Variants in TRRAP observed in about 807,000 individuals in gnomAD.
TRRAP encodes transformation/transcription domain-associated protein.
TRRAP carries 41 observed loss-of-function variants against 438.8 expected under a neutral mutation model. That is an observed-to-expected ratio of 0.09 (90% CI 0.07 to 0.12). The LOEUF is 0.12. Ranked by LOEUF, TRRAP falls within the 10% of genes least tolerant of loss-of-function variation. TRRAP has a pLI of 1.00. For missense variants in TRRAP, 3,122 were observed against 5,055.1 expected (o/e 0.62, Z 11.60); for synonymous variants, 1,994 against 1,962.9 (o/e 1.02, Z -0.42).
intron 67 of TRRAP, among the ~76,000 whole-genome samples, chr7:98,997,210 G>A (rs1349970226): frequency 6.6e-6 from 1 of 151,998 alleles, no homozygotes; most frequent in Non-Finnish European, 1.5e-5. Context: ...GGAGGCTTAG[G>A]TGGGAGGATC....
Position 98,882,037 on chromosome 7 carries a change from T to C in TRRAP, c.150+13T>C, listed in dbSNP as rs782676871. The C allele has an allele frequency of 6.3e-6, 10 of 1,599,060 alleles. No homozygotes were observed. The South Asian group carries it at 9.2e-5, about 15-fold the overall frequency. The stretch of plus-strand genomic sequence containing the variant: ...TGAAAATTTTGAGGTATGAGCATTA[T>C]ATTTTCTATTTTTCATTTTGAGGTA... On this transcript the variant is annotated intron_variant, in intron 3 of 72. Transcript: ENST00000456197.
intron 53 of TRRAP, 167 bp from the exon 54 acceptor site, chr7:98,975,982 G>T (rs1011357831): frequency 1.9e-5 from 17 of 907,520 alleles, no homozygotes; most frequent in Non-Finnish European, 3.2e-6. Context: ...CACCACTCAG[G>T]ATCTGTGGGC....
chr7:98,972,168 G>T (rs972082589), intron 53 of TRRAP, among the ~76,000 whole-genome samples: 1 of 152,106 alleles, frequency 6.6e-6, no homozygotes, highest in Non-Finnish European at 1.5e-5. Context: ...CAGCCTCCCA[G>T]GTAGCTGGGA....
At chr7:98,888,536 C>CA (rs1297760554) in intron 3 of TRRAP, among the ~76,000 whole-genome samples, 8 of 152,132 alleles carry the variant, frequency 5.3e-5, no homozygotes, top group Non-Finnish European at 1.0e-4. Flanking sequence ...GACTCCGTCT[C>CA]AAAAAAAACT....
At chr7:98,902,699 G>A (rs6465728) in intron 11 of TRRAP, among the ~76,000 whole-genome samples, 135,261 of 152,016 alleles carry the variant, frequency 0.89, 60,273 homozygotes, top group South Asian at 0.94. Context: ...GAAGATTGTG[G>A]TTAGAGCCTG....
Position 98,895,758 on chromosome 7 carries a change from T to G in TRRAP, c.451-6T>G. The G allele has an allele frequency of 3.1e-6, 5 of 1,600,746 alleles. No individual in the cohort carries two copies. Among genetic ancestry groups the G allele is most frequent in the Non-Finnish European group, 4.3e-6 (5 of 1,174,180 alleles). On this transcript the variant is annotated splice_polypyrimidine_tract_variant and splice_region_variant and intron_variant, in intron 6 of 72. Coordinates refer to ENST00000456197, the MANE Select transcript of TRRAP (RefSeq NM_001375524.1). ...TTCCTATAACGAAAGTGTCTGCTTT[T>G]TTTAGATTCATCATTTTCTGGATTT... is the stretch of plus-strand genomic sequence containing the variant.
chr7:98,941,838 G>A (rs1459676839), intron 30 of TRRAP, among the ~76,000 whole-genome samples: 4 of 152,212 alleles, frequency 2.6e-5, no homozygotes, highest in Admixed American at 6.5e-5. Flanking sequence ...GTTGGGAAAC[G>A]CGGCTTCTCA....
At chr7:98,916,008 G>A (rs1163192836) in intron 19 of TRRAP, 120 bp downstream of exon 19, 2 of 1,368,480 alleles carry the variant, frequency 1.5e-6, no homozygotes, top group Admixed American at 2.3e-5. Flanking sequence ...GGTGGGATGG[G>A]ATGTGGCACA....
intron 62 of TRRAP, among the ~76,000 whole-genome samples, chr7:98,986,721 A>AT (rs1176111105): frequency 5.9e-5 from 9 of 152,056 alleles, no homozygotes; most frequent in Non-Finnish European, 1.0e-4. Context: ...CAATTCATGT[A>AT]TTTTTTTCTT....
At chr7:98,880,111 C>T (rs1021248285) in intron 1 of TRRAP, among the ~76,000 whole-genome samples, 2 of 152,074 alleles carry the variant, frequency 1.3e-5, no homozygotes, top group Admixed American at 6.5e-5. Context: ...TTCCCGTGCC[C>T]GTCACGTAAC....
intron 10 of TRRAP, 138 bp from the exon 11 acceptor site, chr7:98,900,486 C>G: frequency 1.5e-6 from 1 of 658,454 alleles, no homozygotes; most frequent in Non-Finnish European, 2.5e-6. Flanking sequence ...AAGGTGTAGA[C>G]ACCTTTGCTA....
intron 51 of TRRAP, 141 bp downstream of exon 51, chr7:98,967,839 A>G: frequency 1.3e-6 from 1 of 767,586 alleles, no homozygotes. Flanking sequence ...TCCAGGAAGA[A>G]AATAAAGACT....
At chr7:98,946,576 GCA>G (rs1188939177) in intron 33 of TRRAP, among the ~76,000 whole-genome samples, 12 of 141,034 alleles carry the variant, frequency 8.5e-5, no homozygotes, top group African/African-American at 3.2e-4. Context: ...CACCACACGC[GCA>G]CACACCACAT....
intron 51 of TRRAP, among the ~76,000 whole-genome samples, chr7:98,969,703 G>A (rs889315285): frequency 8.6e-5 from 13 of 151,426 alleles, no homozygotes; most frequent in African/African-American, 2.9e-4. Flanking sequence ...CAACTCACAC[G>A]GGGAAGCCTA....
At chr7:98,995,088 T>G (rs1313509870) in intron 67 of TRRAP, among the ~76,000 whole-genome samples, 1 of 152,170 alleles carries the variant, frequency 6.6e-6, no homozygotes, top group African/African-American at 2.4e-5. Flanking sequence ...AGAAAATGCA[T>G]GGTTTCAGGC....
At chr7:98,970,987 C>T (rs1038807625) in intron 52 of TRRAP, among the ~76,000 whole-genome samples, 2 of 152,072 alleles carry the variant, frequency 1.3e-5, no homozygotes, top group Non-Finnish European at 2.9e-5. Flanking sequence ...GCTGTATCTC[C>T]TTAAGGTCGT....
chr7:99,002,869 A>C (rs1245799268), intron 67 of TRRAP, among the ~76,000 whole-genome samples: 2 of 152,224 alleles, frequency 1.3e-5, no homozygotes, highest in Admixed American at 1.3e-4. Flanking sequence ...GGCCACTTGA[A>C]TAGCTGGGTG....
chr7:98,976,220 C>T lies in TRRAP; in HGVS notation c.7911C>T (p.Val2637=), dbSNP rs79756035. The T allele has an allele frequency of 1.9e-4, 303 of 1,614,146 alleles. 2 individuals carry two copies. In the African/African-American group the frequency reaches 3.7e-3, roughly 20 times the overall value. Residue 2637 remains valine, a synonymous_variant, in exon 54 of 73, where the codon GTC becomes GTT. Coordinates refer to ENST00000456197, the MANE Select transcript of TRRAP (RefSeq NM_001375524.1). This position sits in a 1 kb window ranked among gnomAD's most constrained non-coding sequence, Gnocchi z 4.6. The stretch of plus-strand genomic sequence containing the variant: ...CGACGCTGGCAGAGAAGACGTGGGT[C>T]CAGCTTTTCCCCAGATTGTGGAAGA... The part of the protein sequence containing the change: ...ISTTLAEKTW[V]QLFPRLWKIL...
At chr7:98,947,915 G>A (rs1441295832) in intron 33 of TRRAP, among the ~76,000 whole-genome samples, 2 of 152,226 alleles carry the variant, frequency 1.3e-5, no homozygotes, top group East Asian at 3.8e-4. Context: ...AGCCTGGTAA[G>A]GTCACCTTTA....
Sources: gnomAD v4.1 joint callset for allele counts (sites outside exome capture counted in the v4.1 genomes callset) on GRCh38, gnomAD v4.1.1 for gene constraint, Gnocchi (gnomAD v3.1) non-coding constraint, MANE v1.5 for transcripts, NCBI Gene and HGNC (gene_info 2026-07-23, HGNC 2026-07-21) for gene names.